PRRC2B: variants seen among roughly 807,000 people sequenced by gnomAD.
The protein encoded by PRRC2B is proline rich coiled-coil 2B.
Under a neutral mutation model 242.3 loss-of-function variants are expected in PRRC2B, and 68 were observed. The ratio of observed to expected loss-of-function variants is 0.28; its 90% confidence interval spans 0.23 to 0.34. PRRC2B has a LOEUF of 0.34. Ranked by LOEUF, PRRC2B falls within the 10% of genes least tolerant of loss-of-function variation. The pLI, the probability that PRRC2B is intolerant of heterozygous loss-of-function variation, is 1.00. For missense variants in PRRC2B, 2,835 were observed against 2,954.8 expected (o/e 0.96, Z 0.94); for synonymous variants, 1,228 against 1,173.6 (o/e 1.05, Z -0.95).
chr9:131,387,434 C>G (rs904197413), intron 1 of PRRC2B, among the ~76,000 whole-genome samples: 1 of 150,094 alleles, frequency 6.7e-6, no homozygotes, highest in Non-Finnish European at 1.5e-5. Flanking sequence ...TTGGCAACAC[C>G]CTCACAGACA....
At chr9:131,460,148 C>T (rs139914049) in intron 11 of PRRC2B, among the ~76,000 whole-genome samples, 1 of 152,290 alleles carries the variant, frequency 6.6e-6, no homozygotes, top group East Asian at 1.9e-4. Flanking sequence ...GGACATTCCA[C>T]CCAGGTAACT....
At chr9:131,392,913 GTC>G (rs1836927497), upstream of PRRC2B, among the ~76,000 whole-genome samples, 2 of 131,358 alleles carry the variant, frequency 1.5e-5, no homozygotes, top group Non-Finnish European at 3.2e-5. Context: ...GAGCGAGACT[GTC>G]TCAAAAAAAA....
In PRRC2B at chr9:131,479,252, G is replaced by A. The variant is rs1283163959; in HGVS notation, c.4759G>A (p.Val1587Met). Residue 1587 changes from valine to methionine, a missense_variant and splice_region_variant, in exon 19 of 32, where the codon GTG becomes ATG. Around this residue, in one of 7 missense-constraint regions of PRRC2B, gnomAD observed 1,536 missense variants for 1,483.1 expected, o/e 1.04. Transcript: ENST00000683519. ...ERRKKEQAVQ[V>M]PVKGRGLSSR... Reference sequence around the variant, plus strand: ...CTACAGCATCCTTTCTTCCCCTCAGGTGCCTGTCAAAGGTCGAGGCCTTTC... The same window carrying A: ...CTACAGCATCCTTTCTTCCCCTCAGATGCCTGTCAAAGGTCGAGGCCTTTC... The A allele has an allele frequency of 6.2e-7, 1 of 1,613,618 alleles. No individual in the cohort carries two copies. Among genetic ancestry groups the A allele is most frequent in the Admixed American group, 1.7e-5 (1 of 60,004 alleles).
intron 1 of PRRC2B, among the ~76,000 whole-genome samples, chr9:131,381,054 A>G (rs1475457286): frequency 6.6e-6 from 1 of 152,152 alleles, no homozygotes; most frequent in Non-Finnish European, 1.5e-5. Flanking sequence ...ATACCGGCCT[A>G]CGCTACATAG....
At position 131,475,770 on chromosome 9, in the gene PRRC2B, A is replaced by T; in HGVS notation, c.3641A>T (p.Tyr1214Phe). 1 of 1,613,636 alleles carries T rather than the reference A, an allele frequency of 6.2e-7. No individual in the cohort carries two copies. The highest frequency in any genetic ancestry group is 8.5e-7 in the Non-Finnish European group (1 of 1,179,768). The change falls in exon 16 of 32, where the codon TAT becomes TTT. Residue 1214 changes from tyrosine to phenylalanine, a missense_variant. Physicochemically the swap from Tyr to Phe is conservative, Grantham distance 22. Transcript: ENST00000683519. ...CCTCCCCGGCTGAGCAATTGCGGGT[A>T]TGGACGGAGAACCTTCGTCTCCAAA... ...ALPPRLSNCG[Y>F]GRRTFVSKES... is the part of the protein sequence containing the mutation.
chr9:131,437,985 A>G (rs1265741462), intron 4 of PRRC2B, among the ~76,000 whole-genome samples: 1 of 152,216 alleles, frequency 6.6e-6, no homozygotes, highest in Non-Finnish European at 1.5e-5. Flanking sequence ...CACTATGCCA[A>G]GGAAGGGGAA....
chr9:131,381,830 C>T (rs1049208579), intron 1 of PRRC2B, among the ~76,000 whole-genome samples: 1 of 152,034 alleles, frequency 6.6e-6, no homozygotes. Flanking sequence ...ACCTCTGCCT[C>T]CCAGGTTCAA....
At chr9:131,483,311 G>C in intron 22 of PRRC2B, 48 bp from the exon 23 acceptor site, 1 of 1,540,632 alleles carries the variant, frequency 6.5e-7, no homozygotes, top group Non-Finnish European at 9.0e-7. Context: ...GGGGAATGTA[G>C]GGCCAGGAGG....
At position 131,487,109 on chromosome 9, in the gene PRRC2B, A is replaced by T; in HGVS notation, c.5857-58A>T. ...AGAGGGGCAGGGGAGGTGGGAGGGG[A>T]AGAACCACCTGGATGGGCCTTGCGG... On this transcript the variant is annotated intron_variant, in intron 26 of 31. Transcript: ENST00000683519. The surrounding 1 kb of genome is among the most constrained non-coding windows in gnomAD (Gnocchi z 5.3). The T allele has an allele frequency of 6.4e-7, 1 of 1,569,090 alleles. No homozygotes were observed.
At chr9:131,489,098 C>G (rs1334398876) in intron 28 of PRRC2B, among the ~76,000 whole-genome samples, 1 of 151,962 alleles carries the variant, frequency 6.6e-6, no homozygotes, top group South Asian at 2.1e-4. Flanking sequence ...CTGTGGCTCT[C>G]GCATAATCTC....
intron 18 of PRRC2B, 30 bp from the exon 19 acceptor site, chr9:131,479,222 C>T: frequency 6.2e-7 from 1 of 1,610,500 alleles, no homozygotes; most frequent in East Asian, 2.2e-5. Flanking sequence ...GTGCCTTTGG[C>T]TAGACTACAG....
chr9:131,430,052 T>TTTC, intron 1 of PRRC2B, 42 bp from the exon 2 acceptor site: 2 of 661,914 alleles, frequency 3.0e-6, no homozygotes, highest in East Asian at 2.8e-5. Flanking sequence ...TTTTTTTTTT[T>TTTC]TCTCTCTCTT....
chr9:131,464,595 A>C, intron 11 of PRRC2B, among the ~76,000 whole-genome samples, 168 bp from the exon 12 acceptor site: 1 of 152,246 alleles, frequency 6.6e-6, no homozygotes, highest in Non-Finnish European at 1.5e-5. Flanking sequence ...TTTCACATAC[A>C]GCAGAGGCCA....
At chr9:131,388,192 A>G (rs1420868271) in intron 1 of PRRC2B, among the ~76,000 whole-genome samples, 1 of 149,392 alleles carries the variant, frequency 6.7e-6, no homozygotes, top group Non-Finnish European at 1.5e-5. Flanking sequence ...TGTCTAAAAA[A>G]AAAAAAAAAT....
chr9:131,437,672 G>A (rs1838418767), intron 4 of PRRC2B, among the ~76,000 whole-genome samples: 2 of 152,198 alleles, frequency 1.3e-5, no homozygotes, highest in Admixed American at 1.3e-4. Flanking sequence ...CTTTGCCAGG[G>A]CACCCTCTCC....
At chr9:131,451,639 CT>C (rs1319359156) in intron 9 of PRRC2B, among the ~76,000 whole-genome samples, 22 of 152,082 alleles carry the variant, frequency 1.4e-4, no homozygotes, top group Admixed American at 1.4e-3. Flanking sequence ...ACCTCAAGTT[CT>C]TTCTGGTCTG....
At chr9:131,417,885 A>T (rs1039895855) in intron 1 of PRRC2B, among the ~76,000 whole-genome samples, 1 of 152,254 alleles carries the variant, frequency 6.6e-6, no homozygotes, top group African/African-American at 2.4e-5. Context: ...TTTCCCCATG[A>T]TCGAGCATGA....
intron 1 of PRRC2B, among the ~76,000 whole-genome samples, chr9:131,419,910 G>T (rs1341918992): frequency 6.6e-6 from 1 of 151,990 alleles, no homozygotes; most frequent in Non-Finnish European, 1.5e-5. Context: ...GTGTGAGCAG[G>T]TGCTCCCCGT....
chr9:131,485,684 A>G (rs376696030), intron 25 of PRRC2B: 64 of 543,876 alleles, frequency 1.2e-4, no homozygotes, highest in Admixed American at 4.4e-4. Context: ...TGTAATTCCA[A>G]TAGATCCTTC....
Sources: gnomAD v4.1 joint callset for allele counts (sites outside exome capture counted in the v4.1 genomes callset) on GRCh38, gnomAD v4.1.1 for gene constraint, gnomAD v4.1.1 regional missense constraint, Gnocchi (gnomAD v3.1) non-coding constraint, MANE v1.5 for transcripts, NCBI Gene and HGNC (gene_info 2026-07-23, HGNC 2026-07-21) for gene names.